The following MARCHF1 variants were observed in gnomAD, a reference collection of about 807,000 sequenced individuals.
MARCHF1 encodes membrane associated ring-CH-type finger 1.
A neutral mutation model predicts 54.2 loss-of-function variants in MARCHF1; 40 were observed. The observed-to-expected ratio is 0.74, with a 90% CI of 0.57 to 0.96. The LOEUF is 0.96. MARCHF1 is among the 40% of genes least tolerant of loss of function. MARCHF1 has a pLI of 0.00. For missense variants in MARCHF1, 586 were observed against 656.5 expected, an observed-to-expected ratio of 0.89 and a Z score of 1.17; for synonymous variants, 236 against 236.3, an observed-to-expected ratio of 1.00 and a Z score of 0.01.
At chr4:163,804,551 G>T (rs908625906) in intron 4 of MARCHF1, among the ~76,000 whole-genome samples, 1 of 152,136 alleles carries the variant, frequency 6.6e-6, no homozygotes, top group Non-Finnish European at 1.5e-5. Flanking sequence ...AGACTCAGTG[G>T]TCTATAAGTA....
At chr4:163,834,450 T>C (rs915821909) in intron 4 of MARCHF1, among the ~76,000 whole-genome samples, 1 of 152,174 alleles carries the variant, frequency 6.6e-6, no homozygotes, top group African/African-American at 2.4e-5. Flanking sequence ...TGGATCTTTT[T>C]TAAAATTTAT....
At chr4:163,579,472 A>C (rs1045920878) in intron 8 of MARCHF1, among the ~76,000 whole-genome samples, 1 of 152,146 alleles carries the variant, frequency 6.6e-6, no homozygotes, top group Non-Finnish European at 1.5e-5. Context: ...AGCATACTAG[A>C]CTCCTCCTTC....
intron 4 of MARCHF1, among the ~76,000 whole-genome samples, chr4:163,754,061 T>C (rs978148459): frequency 3.9e-5 from 6 of 152,198 alleles, no homozygotes; most frequent in African/African-American, 1.4e-4. Context: ...AAAGGCCCAG[T>C]GTTGGGTTGC....
chr4:164,001,414 A>T (rs1339035760), intron 2 of MARCHF1, among the ~76,000 whole-genome samples: 6 of 151,866 alleles, frequency 4.0e-5, no homozygotes. Flanking sequence ...TAAATAGCAC[A>T]GGAAAGGAAG....
chr4:163,896,206 A>G (rs1446111984), intron 3 of MARCHF1, among the ~76,000 whole-genome samples: 1 of 152,200 alleles, frequency 6.6e-6, no homozygotes, highest in Non-Finnish European at 1.5e-5. Context: ...GTTTATTAGC[A>G]GGCAATTAAT....
intron 1 of MARCHF1, among the ~76,000 whole-genome samples, chr4:164,242,061 G>C (rs1285897977): frequency 6.6e-6 from 1 of 152,176 alleles, no homozygotes. Context: ...AGGGGCGCCC[G>C]CCATTGCCCA....
At chr4:164,185,946 T>G (rs1730959454) in intron 1 of MARCHF1, among the ~76,000 whole-genome samples, 1 of 152,108 alleles carries the variant, frequency 6.6e-6, no homozygotes, top group South Asian at 2.1e-4. Flanking sequence ...CAGGCTGGAG[T>G]GCAGTGGCGT....
Position 163,632,439 on chromosome 4 carries a change from G to A in MARCHF1, c.163-19046C>T, listed in dbSNP as rs535455310. Among the ~76,000 whole-genome samples, 87 of 152,338 alleles carry A rather than the reference G, an allele frequency of 5.7e-4. No homozygotes were observed. The East Asian group carries it at 6.0e-3, about 10-fold the overall frequency. On this transcript the variant is annotated intron_variant, in intron 5 of 9. Coordinates refer to ENST00000514618, the MANE Select transcript of MARCHF1 (RefSeq NM_001394959.1). Reference sequence around the variant, plus strand: ...CGAGGCATTGCCTCACTCAGGAAGCGCAAGGGGTCAGGGAGTTCCCTTTCC... The same window carrying A: ...CGAGGCATTGCCTCACTCAGGAAGCACAAGGGGTCAGGGAGTTCCCTTTCC...
intron 7 of MARCHF1, among the ~76,000 whole-genome samples, chr4:163,589,545 A>C (rs753663738): frequency 2.0e-5 from 3 of 152,130 alleles, no homozygotes; most frequent in Non-Finnish European, 4.4e-5. Context: ...TTTAAAAGCT[A>C]AATATCAACT....
At chr4:164,365,942 C>T (rs190590746) in intron 1 of MARCHF1, among the ~76,000 whole-genome samples, 5 of 151,920 alleles carry the variant, frequency 3.3e-5, no homozygotes. Context: ...ATGATGCCTT[C>T]CCAGGCTCCT....
At chr4:163,559,700 C>A (rs950279767) in intron 8 of MARCHF1, among the ~76,000 whole-genome samples, 1 of 152,160 alleles carries the variant, frequency 6.6e-6, no homozygotes, top group African/African-American at 2.4e-5. Context: ...TCAGTGGGGC[C>A]CAAGAGGACT....
chr4:163,534,142 A>G (rs1738454589), intron 9 of MARCHF1, among the ~76,000 whole-genome samples: 1 of 152,018 alleles, frequency 6.6e-6, no homozygotes, highest in South Asian at 2.1e-4. Context: ...ACTTCTACTA[A>G]TCTTTCAGAA....
At chr4:163,570,713 C>T (rs1047988556) in intron 8 of MARCHF1, among the ~76,000 whole-genome samples, 2 of 152,078 alleles carry the variant, frequency 1.3e-5, no homozygotes, top group African/African-American at 4.8e-5. Flanking sequence ...GAATTAGTTA[C>T]TATTATTTTA....
At chr4:164,201,376 C>A (rs1287758404) in intron 1 of MARCHF1, among the ~76,000 whole-genome samples, 2 of 152,084 alleles carry the variant, frequency 1.3e-5, no homozygotes, top group African/African-American at 4.8e-5. Flanking sequence ...CGTGCCACCA[C>A]ACCCAGATAA....
At chr4:163,783,810 T>A (rs984902684) in intron 4 of MARCHF1, among the ~76,000 whole-genome samples, 4 of 152,188 alleles carry the variant, frequency 2.6e-5, no homozygotes, top group African/African-American at 9.7e-5. Context: ...CATAATATCT[T>A]TCTAAAAGCA....
At chr4:163,935,378 T>A (rs1751771120) in intron 3 of MARCHF1, among the ~76,000 whole-genome samples, 3 of 152,180 alleles carry the variant, frequency 2.0e-5, no homozygotes, top group Admixed American at 2.0e-4. Context: ...GAAAATCTGT[T>A]TTTAAAGGTA....
intron 2 of MARCHF1, among the ~76,000 whole-genome samples, chr4:164,009,311 CT>C (rs1291420932): frequency 2.0e-5 from 3 of 152,020 alleles, no homozygotes; most frequent in South Asian, 2.1e-4. Flanking sequence ...AATAACAAGT[CT>C]CTCATTAAAT....
intron 1 of MARCHF1, among the ~76,000 whole-genome samples, chr4:164,231,039 CTT>C (rs1157565568): frequency 6.6e-6 from 1 of 152,038 alleles, no homozygotes; most frequent in East Asian, 1.9e-4. Flanking sequence ...AGGATCCTCT[CTT>C]ATTAAATAGG....
chr4:164,275,706 G>C (rs1259053207), intron 1 of MARCHF1, among the ~76,000 whole-genome samples: 1 of 152,172 alleles, frequency 6.6e-6, no homozygotes, highest in Non-Finnish European at 1.5e-5. Context: ...CTCTTTGGTG[G>C]AGCGAGATGA....
Sources: allele counts gnomAD v4.1 joint callset (sites outside exome capture counted in the v4.1 genomes callset), GRCh38; gene constraint gnomAD v4.1.1; transcripts MANE v1.5; gene names NCBI Gene and HGNC (gene_info 2026-07-23, HGNC 2026-07-21).